The following EEF2K variants were observed in gnomAD, a reference collection of about 807,000 sequenced individuals.
EEF2K encodes eukaryotic elongation factor 2 kinase, also known as alternative protein EEF2K.
EEF2K carries 70 observed loss-of-function variants against 93.8 expected under a neutral mutation model. The observed-to-expected ratio is 0.75, with a 90% CI of 0.62 to 0.91. The LOEUF is 0.91. Ranked by LOEUF, EEF2K falls within the 40% of genes least tolerant of loss-of-function variation. The pLI, the probability that EEF2K is intolerant of heterozygous loss-of-function variation, is 0.00. For synonymous variants in EEF2K, 376 were observed against 380.8 expected (o/e 0.99, Z 0.15); for missense variants, 935 against 972.9 (o/e 0.96, Z 0.52).
At chr16:22,243,247 A>G (rs1263476052) in intron 2 of EEF2K, among the ~76,000 whole-genome samples, 1 of 118,502 alleles carries the variant, frequency 8.4e-6, no homozygotes, top group African/African-American at 3.2e-5. Flanking sequence ...GATGCAGCCT[A>G]TTTTTTTTTT....
intron 1 of EEF2K, among the ~76,000 whole-genome samples, chr16:22,223,718 A>C (rs1301061242): frequency 6.6e-6 from 1 of 152,192 alleles, no homozygotes; most frequent in Non-Finnish European, 1.5e-5. Flanking sequence ...TAAATGTGAC[A>C]GTTCTATCCT....
At chr16:22,213,045 G>A (rs771094485) in intron 1 of EEF2K, among the ~76,000 whole-genome samples, 8 of 151,892 alleles carry the variant, frequency 5.3e-5, no homozygotes, top group Admixed American at 1.3e-4. Flanking sequence ...TTTGGGAGGC[G>A]GAGATGGGTG....
intron 16 of EEF2K, among the ~76,000 whole-genome samples, chr16:22,278,895 A>G (rs533333833): frequency 6.6e-6 from 1 of 152,226 alleles, no homozygotes; most frequent in East Asian, 1.9e-4. Context: ...GTGGAGACTC[A>G]ACTATTCTGG....
chr16:22,226,325 C>CTTTTTTTTTTTTTTTTTTTTTTTTTT (rs935058417), intron 2 of EEF2K, among the ~76,000 whole-genome samples: 1 of 63,668 alleles, frequency 1.6e-5, no homozygotes, highest in African/African-American at 5.6e-5. Context: ...AGGTGCTGTT[C>CTTTTTTTTTTTTTTTTTTTTTTTTTT]TTTTTTTTTT....
At chr16:22,240,247 C>T (rs1428955170) in intron 2 of EEF2K, among the ~76,000 whole-genome samples, 2 of 152,026 alleles carry the variant, frequency 1.3e-5, no homozygotes, top group Non-Finnish European at 2.9e-5. Context: ...GGTGAATAAT[C>T]AAGTCAATAA....
At chr16:22,260,350 T>TAA (rs35233038) in intron 10 of EEF2K, 112 bp from the exon 11 acceptor site, 274 of 866,686 alleles carry the variant, frequency 3.2e-4, no homozygotes, top group Non-Finnish European at 4.1e-4. Flanking sequence ...CTTTAAAGCT[T>TAA]AAAAAAAAAA....
intron 7 of EEF2K, 26 bp downstream of exon 7, chr16:22,256,923 C>A (rs1239129900): frequency 8.1e-6 from 13 of 1,611,890 alleles, no homozygotes; most frequent in African/African-American, 1.3e-5. Context: ...CCTCCACCCT[C>A]TGCCCACCAC....
At chr16:22,241,273 A>C (rs2047219220) in intron 2 of EEF2K, among the ~76,000 whole-genome samples, 1 of 152,164 alleles carries the variant, frequency 6.6e-6, no homozygotes, top group Non-Finnish European at 1.5e-5. Context: ...AGATCACTAA[A>C]TAAAGCACAA....
intron 16 of EEF2K, among the ~76,000 whole-genome samples, chr16:22,275,278 G>A (rs1215164257): frequency 6.6e-6 from 1 of 151,054 alleles, no homozygotes. Flanking sequence ...ATATATTAAA[G>A]CTATTAACCC....
chr16:22,273,480 C>A, intron 15 of EEF2K, 146 bp from the exon 16 acceptor site: 1 of 1,180,594 alleles, frequency 8.5e-7, no homozygotes, highest in Non-Finnish European at 1.2e-6. Context: ...CCTCTGGAGT[C>A]AAGTGCCCCC....
At chr16:22,238,248 C>CT (rs2047186816) in intron 2 of EEF2K, among the ~76,000 whole-genome samples, 1 of 152,184 alleles carries the variant, frequency 6.6e-6, no homozygotes, top group South Asian at 2.1e-4. Context: ...GATGGCGCCA[C>CT]TGCACTCCAG....
intron 13 of EEF2K, 36 bp from the exon 14 acceptor site, chr16:22,266,354 A>C: frequency 6.3e-7 from 1 of 1,594,522 alleles, no homozygotes; most frequent in East Asian, 2.2e-5. Flanking sequence ...GTCCACCCCC[A>C]GCCCCTCGCT....
In EEF2K at chr16:22,251,206, G is replaced by A. The variant is rs759223201; in HGVS notation, c.502G>A (p.Val168Met). ...AQQWKGASNY[V>M]AKRYIEPVDR... ...GCAGTGGAAGGGCGCCTCCAACTAC[G>A]TGGCGAAGCGCTACATCGAGCCCGT... Residue 168 changes from valine (V) to methionine (M), a missense_variant, in exon 6 of 18, where the codon GTG becomes ATG. By Grantham distance (21) the Val-to-Met change is conservative. Coordinates refer to ENST00000263026, the MANE Select transcript of EEF2K (RefSeq NM_013302.5). 6.2e-6 allele frequency: 10 copies of A among 1,613,990 alleles called. No homozygotes were observed. Among genetic ancestry groups the A allele is most frequent in the South Asian group, 4.4e-5 (4 of 91,090 alleles).
At chr16:22,218,393 G>C (rs2046978894) in intron 1 of EEF2K, among the ~76,000 whole-genome samples, 1 of 152,222 alleles carries the variant, frequency 6.6e-6, no homozygotes, top group South Asian at 2.1e-4. Flanking sequence ...GTTCCCAGGA[G>C]TGGCGGTGGG....
intron 11 of EEF2K, among the ~76,000 whole-genome samples, chr16:22,260,794 C>A (rs1224233858): frequency 6.6e-6 from 1 of 152,192 alleles, no homozygotes; most frequent in African/African-American, 2.4e-5. Context: ...ACAATGCGAT[C>A]TTGTAGTAAA....
At position 22,264,844 on chromosome 16, in the gene EEF2K, C is replaced by T. The variant is rs368773676; in HGVS notation, c.1404C>T (p.Tyr468=). ...EHGHSYSNRK[Y]ESDEDSLGSS... is the part of the protein sequence containing the mutation. ...GCCACTCATACAGTAATCGGAAGTA[C>T]GAGTCTGACGAAGACAGCCTGGGCA... Residue 468 remains tyrosine (Y), a synonymous_variant, in exon 13 of 18, where the codon TAC becomes TAT. Coordinates refer to ENST00000263026, the MANE Select transcript of EEF2K (RefSeq NM_013302.5). 1.1e-4 allele frequency: 176 copies of T among 1,613,854 alleles called. No individual in the cohort carries two copies. Among genetic ancestry groups the T allele is most frequent in the Non-Finnish European group, 1.3e-4 (158 of 1,179,956 alleles).
chr16:22,283,561 G>A (rs1310882675), intron 17 of EEF2K, among the ~76,000 whole-genome samples: 1 of 152,086 alleles, frequency 6.6e-6, no homozygotes, highest in Non-Finnish European at 1.5e-5. Context: ...TTCTCAGCCT[G>A]ATTCTCATTG....
chr16:22,240,987 A>G (rs1021042684), intron 2 of EEF2K, among the ~76,000 whole-genome samples: 6 of 151,760 alleles, frequency 4.0e-5, no homozygotes, highest in African/African-American at 1.5e-4. Flanking sequence ...CCAGGCTGGT[A>G]TCAAACTCCT....
chr16:22,266,164 G>A (rs2047515413), intron 13 of EEF2K, among the ~76,000 whole-genome samples: 1 of 151,950 alleles, frequency 6.6e-6, no homozygotes, highest in Non-Finnish European at 1.5e-5. Context: ...GGAGGTTGCA[G>A]TGAGCCGAGA....
Sources: allele counts gnomAD v4.1 joint callset (sites outside exome capture counted in the v4.1 genomes callset), GRCh38; gene constraint gnomAD v4.1.1; transcripts MANE v1.5; gene names NCBI Gene and HGNC (gene_info 2026-07-23, HGNC 2026-07-21).